The following TPX2 variants were observed in gnomAD, a reference collection of about 807,000 sequenced individuals.
TPX2 encodes the protein targeting protein for Xklp2.
In TPX2, 21 loss-of-function variants were observed where a neutral mutation model predicts 93.6. The observed-to-expected ratio is 0.22, with a 90% CI of 0.16 to 0.32. The LOEUF is 0.32. Ranked by LOEUF, TPX2 falls within the 10% of genes least tolerant of loss-of-function variation. The probability of loss-of-function intolerance (pLI) is 1.00; values close to 1 mark genes in which losing one functional copy is unlikely to be tolerated. For missense variants in TPX2, 776 were observed against 871.1 expected (o/e 0.89, Z 1.37); for synonymous variants, 281 against 298.3 (o/e 0.94, Z 0.60).
rs2062150910 is a variant in TPX2 at position 31,798,375 on chromosome 20, T to A, written c.1956T>A (p.Ser652=). 1 of 1,614,086 alleles carries A rather than the reference T, an allele frequency of 6.2e-7. No homozygotes were observed. Among genetic ancestry groups the A allele is most frequent in the African/African-American group, 1.3e-5 (1 of 75,022 alleles). Residue 652 remains serine (S), a synonymous_variant, in exon 17 of 18, where the codon TCT becomes TCA. Transcript: ENST00000300403. ...TGTTTCTGTACTTAGAGGGCCTTTCTGGTTCTCTAGTTCAGGAACCTTTTC... is the reference window on the plus strand; with the variant it reads ...TGTTTCTGTACTTAGAGGGCCTTTCAGGTTCTCTAGTTCAGGAACCTTTTC... ...KEKKSVAEGL[S]GSLVQEPFQL...
intron 4 of TPX2, among the ~76,000 whole-genome samples, chr20:31,762,732 T>C (rs2061897713): frequency 6.6e-6 from 1 of 152,224 alleles, no homozygotes; most frequent in African/African-American, 2.4e-5. Flanking sequence ...TTGTATATGG[T>C]AAGAAATAGA....
intron 3 of TPX2, among the ~76,000 whole-genome samples, chr20:31,759,808 A>G (rs1007508462): frequency 9.2e-5 from 14 of 152,178 alleles, no homozygotes; most frequent in African/African-American, 3.4e-4. Flanking sequence ...GTTATTCACA[A>G]TGCAGAATCT....
At chr20:31,785,135 C>T (rs928007596) in intron 12 of TPX2, among the ~76,000 whole-genome samples, 5 of 152,194 alleles carry the variant, frequency 3.3e-5, no homozygotes, top group Admixed American at 6.5e-5. Context: ...AAATGGTTCT[C>T]CTCCCTGATA....
chr20:31,746,722 G>A (rs2061785350), intron 2 of TPX2, among the ~76,000 whole-genome samples: 1 of 152,148 alleles, frequency 6.6e-6, no homozygotes, highest in Non-Finnish European at 1.5e-5. Context: ...GTCTGAACCT[G>A]CACCTTTTGA....
At chr20:31,780,589 G>A (rs1052681471) in intron 10 of TPX2, among the ~76,000 whole-genome samples, 1 of 152,128 alleles carries the variant, frequency 6.6e-6, no homozygotes, top group African/African-American at 2.4e-5. Context: ...ACTTTGTACA[G>A]TTACAGCTAA....
At chr20:31,752,092 A>G (rs2061823926) in intron 2 of TPX2, among the ~76,000 whole-genome samples, 1 of 152,136 alleles carries the variant, frequency 6.6e-6, no homozygotes, top group South Asian at 2.1e-4. Flanking sequence ...GGAAAATTGT[A>G]AAAAACACCA....
At chr20:31,769,443 C>G (rs2061950618) in intron 5 of TPX2, among the ~76,000 whole-genome samples, 1 of 151,634 alleles carries the variant, frequency 6.6e-6, no homozygotes, top group Non-Finnish European at 1.5e-5. Flanking sequence ...CTCAGCCTCT[C>G]AAGTAGCTGG....
intron 13 of TPX2, 130 bp downstream of exon 13, chr20:31,792,960 A>G: frequency 2.5e-6 from 2 of 785,182 alleles, no homozygotes; most frequent in East Asian, 2.5e-5. Flanking sequence ...AAGAATGGGT[A>G]TGAACATTTG....
At chr20:31,776,300 T>TC (rs1289411543) in intron 8 of TPX2, among the ~76,000 whole-genome samples, 1 of 151,554 alleles carries the variant, frequency 6.6e-6, no homozygotes, top group Non-Finnish European at 1.5e-5. Flanking sequence ...CAGGATGGTC[T>TC]CCATCTCCTG....
At chr20:31,775,372 G>T (rs1318872618) in intron 7 of TPX2, among the ~76,000 whole-genome samples, 1 of 150,424 alleles carries the variant, frequency 6.6e-6, no homozygotes, top group African/African-American at 2.4e-5. Context: ...GCATTTTCTT[G>T]TCTTTATTTA....
At chr20:31,767,014 C>T (rs1360295709) in intron 5 of TPX2, among the ~76,000 whole-genome samples, 1 of 152,052 alleles carries the variant, frequency 6.6e-6, no homozygotes. Flanking sequence ...GTTGGCCAGG[C>T]TGGTCTCAAA....
chr20:31,795,384 G>T (rs6060954), intron 15 of TPX2, among the ~76,000 whole-genome samples: 56,307 of 152,128 alleles, frequency 0.37, 12,520 homozygotes, highest in African/African-American at 0.61. Context: ...TCTGCCCACC[G>T]TGGCCTCCCA....
chr20:31,774,017 A>T (rs1349390285), intron 7 of TPX2, among the ~76,000 whole-genome samples: 2 of 151,962 alleles, frequency 1.3e-5, no homozygotes, highest in South Asian at 4.1e-4. Flanking sequence ...GATTACTGGC[A>T]CTTGCCACTA....
chr20:31,759,397 T>C (rs999016811), intron 3 of TPX2, among the ~76,000 whole-genome samples: 1 of 95,122 alleles, frequency 1.1e-5, no homozygotes, highest in Non-Finnish European at 2.0e-5. Context: ...TTTTCTTTCG[T>C]TTTTTTTTTT....
At chr20:31,780,869 G>A (rs2062028796) in intron 10 of TPX2, 2 of 345,372 alleles carry the variant, frequency 5.8e-6, no homozygotes, top group South Asian at 4.5e-5. Context: ...TCATAAAATT[G>A]GGAGTTTTCA....
chr20:31,798,081 T>C (rs761301005), intron 16 of TPX2, among the ~76,000 whole-genome samples: 1 of 152,230 alleles, frequency 6.6e-6, no homozygotes, highest in Non-Finnish European at 1.5e-5. Context: ...TTGGGATCTT[T>C]CTTCTATGTC....
chr20:31,788,543 T>TC (rs988516401), intron 12 of TPX2, among the ~76,000 whole-genome samples: 13 of 151,532 alleles, frequency 8.6e-5, no homozygotes, highest in East Asian at 1.9e-4. Flanking sequence ...CCCATCCACG[T>TC]CCCCCCCAGT....
At chr20:31,761,227 C>T (rs1318946815) in intron 4 of TPX2, among the ~76,000 whole-genome samples, 1 of 138,068 alleles carries the variant, frequency 7.2e-6, no homozygotes, top group African/African-American at 2.7e-5. Context: ...TTGAGACTGG[C>T]GTCTCACCCT....
chr20:31,785,498 T>C (rs1313712857), intron 12 of TPX2, among the ~76,000 whole-genome samples: 1 of 151,770 alleles, frequency 6.6e-6, no homozygotes, highest in African/African-American at 2.4e-5. Context: ...TGGTTTTTTG[T>C]TTTGTTTTTT....
Sources: gnomAD v4.1 joint callset for allele counts (sites outside exome capture counted in the v4.1 genomes callset) on GRCh38, gnomAD v4.1.1 for gene constraint, MANE v1.5 for transcripts, NCBI Gene and HGNC (gene_info 2026-07-23, HGNC 2026-07-21) for gene names.